The following SYMPK variants were observed in gnomAD, a reference collection of about 807,000 sequenced individuals.
The protein encoded by SYMPK is symplekin.
Under a neutral mutation model 136.4 loss-of-function variants are expected in SYMPK, and 49 were observed. That is an observed-to-expected ratio of 0.36 (90% CI 0.29 to 0.46). The LOEUF (loss-of-function observed/expected upper bound fraction) is 0.46. Ranked by LOEUF, SYMPK falls within the 20% of genes least tolerant of loss-of-function variation. The pLI is 1.00. For missense variants in SYMPK, 1,365 were observed against 1,690.0 expected, an observed-to-expected ratio of 0.81 and a Z score of 3.37; for synonymous variants, 766 against 713.0, an observed-to-expected ratio of 1.07 and a Z score of -1.19.
chr19:45,854,193 C>A lies in SYMPK; in HGVS notation c.153G>T (p.Lys51Asn). 1 of 1,614,168 alleles carries A rather than the reference C, an allele frequency of 6.2e-7. No homozygotes were observed. The highest frequency in any genetic ancestry group is 1.1e-5 in the South Asian group (1 of 91,074). Residue 51 changes from lysine to asparagine, a missense_variant, in exon 3 of 27, where the codon AAG becomes AAT. Lys to Asn is a moderately conservative substitution (Grantham distance 94). Coordinates refer to ENST00000245934, the MANE Select transcript of SYMPK (RefSeq NM_004819.3). ...CCCTCACCTGTTTGAGCACTGTGAT[C>A]TTTGAGTCATTGGTGATCAGCGCCG... ...NQAALITNDS[K>N]ITVLKQVQEL...
Position 45,823,893 on chromosome 19 carries a change from G to C in SYMPK, c.2491-18C>G. ...CCTCGGATCTAGAGGCAGAGACAGGGATGACCAGACCCAGGGTGAGAGCTT... is the reference window on the plus strand; with the variant it reads ...CCTCGGATCTAGAGGCAGAGACAGGCATGACCAGACCCAGGGTGAGAGCTT... On this transcript the variant is annotated intron_variant, in intron 18 of 26. Transcript: ENST00000245934. The C allele has an allele frequency of 6.2e-7, 1 of 1,608,100 alleles. No individual in the cohort carries two copies. Among genetic ancestry groups the C allele is most frequent in the South Asian group, 1.1e-5 (1 of 90,712 alleles).
chr19:45,848,651 TAA>T (rs1971622889), intron 6 of SYMPK, 97 bp downstream of exon 6: 2 of 1,532,560 alleles, frequency 1.3e-6, no homozygotes, highest in South Asian at 1.2e-5. Flanking sequence ...ATCTTGCCCA[TAA>T]AGAGTATGCT....
At chr19:45,838,436 G>A in intron 10 of SYMPK, 25 bp downstream of exon 10, 4 of 1,599,926 alleles carry the variant, frequency 2.5e-6, no homozygotes, top group Non-Finnish European at 3.4e-6. Context: ...TGCCCAGGGG[G>A]AAAACGCTCC....
At chr19:45,842,189 A>G in intron 9 of SYMPK, 61 bp downstream of exon 9, 1 of 1,605,302 alleles carries the variant, frequency 6.2e-7, no homozygotes, top group Non-Finnish European at 8.5e-7. Context: ...AGCATAGTTT[A>G]AGGTAAATAA....
intron 5 of SYMPK, among the ~76,000 whole-genome samples, chr19:45,850,887 G>A (rs1453057637): frequency 6.6e-6 from 1 of 152,092 alleles, no homozygotes; most frequent in African/African-American, 2.4e-5. Context: ...GGGGCTGCAT[G>A]GGAGCGGGCA....
In SYMPK at chr19:45,848,856, A is replaced by C; in HGVS notation, c.320T>G (p.Leu107Arg). The change falls in exon 6 of 27, where the codon CTG becomes CGG. Residue 107 changes from leucine (L) to arginine (R), a missense_variant. Leu to Arg is a moderately radical substitution (Grantham distance 102). This residue lies in a region of SYMPK where 237 missense variants were observed against 292.9 expected (regional missense o/e 0.81). Transcript: ENST00000245934. ...GTTGAGGTTTGCAATGAGTTTCAGC[A>C]GCAACTCAATGTCTCGCTTGCTGAG... ...EEACKRDIEL[L>R]LKLIANLNML... The C allele has an allele frequency of 6.2e-7, 1 of 1,614,078 alleles. No individual in the cohort carries two copies. Among genetic ancestry groups the C allele is most frequent in the Non-Finnish European group, 8.5e-7 (1 of 1,180,028 alleles).
intron 16 of SYMPK, among the ~76,000 whole-genome samples, chr19:45,827,099 T>A (rs1388488589): frequency 6.6e-6 from 1 of 152,162 alleles, no homozygotes; most frequent in East Asian, 1.9e-4. Flanking sequence ...GCTCAGCTGC[T>A]GAGCACGCTG....
chr19:45,825,040 C>T, intron 18 of SYMPK, 131 bp downstream of exon 18: 5 of 1,152,576 alleles, frequency 4.3e-6, no homozygotes, highest in Non-Finnish European at 4.9e-6. Flanking sequence ...GCTACACAGC[C>T]TGGGTCGGCC....
At chr19:45,853,871 A>G (rs1365245391) in intron 3 of SYMPK, among the ~76,000 whole-genome samples, 5 of 152,138 alleles carry the variant, frequency 3.3e-5, no homozygotes, top group Non-Finnish European at 5.9e-5. Flanking sequence ...AATGATGAAG[A>G]GTGTAGGATT....
At chr19:45,853,054 T>C (rs927884383) in intron 3 of SYMPK, among the ~76,000 whole-genome samples, 9 of 152,182 alleles carry the variant, frequency 5.9e-5, no homozygotes, top group African/African-American at 2.2e-4. Flanking sequence ...CATCCTCCAA[T>C]AAGCAAAGAG....
intron 1 of SYMPK, among the ~76,000 whole-genome samples, chr19:45,859,074 T>C (rs1023540664): frequency 1.3e-5 from 2 of 152,036 alleles, no homozygotes; most frequent in Non-Finnish European, 2.9e-5. Context: ...GCCCCCGGCC[T>C]AGAACAGGGA....
In SYMPK at chr19:45,854,469, G is replaced by GA. The variant is rs1971773565; in HGVS notation, c.26dup (p.Thr10HisfsTer40). The GA allele has an allele frequency of 6.2e-7, 1 of 1,613,926 alleles. No homozygotes were observed. The highest frequency in any genetic ancestry group is 1.1e-5 in the South Asian group (1 of 91,082). On this transcript the variant is annotated frameshift_variant, in exon 2 of 27. Transcript: ENST00000245934. LOFTEE classifies it high-confidence loss of function. ...ACTGTGATGCCACGCTCCGACGGGT[G>GA]ACGCTGTCTCCACTGCCGCTCGCCA... is the stretch of plus-strand genomic sequence containing the variant.
intron 23 of SYMPK, among the ~76,000 whole-genome samples, chr19:45,817,412 G>A (rs1280779624): frequency 1.0e-3 from 117 of 115,192 alleles, no homozygotes; most frequent in African/African-American, 3.5e-3. Flanking sequence ...TGGTTTTTTT[G>A]TTCTCTTTTT....
intron 7 of SYMPK, among the ~76,000 whole-genome samples, chr19:45,844,624 G>A (rs904480362): frequency 2.0e-5 from 3 of 151,686 alleles, no homozygotes; most frequent in African/African-American, 4.9e-5. Flanking sequence ...GCAGTGAGCC[G>A]AGATCGCGCC....
intron 7 of SYMPK, among the ~76,000 whole-genome samples, chr19:45,844,878 T>C (rs1971524457): frequency 6.6e-6 from 1 of 152,148 alleles, no homozygotes; most frequent in Admixed American, 6.6e-5. Context: ...ATGCCATATA[T>C]ATGTTTTTAA....
intron 1 of SYMPK, among the ~76,000 whole-genome samples, chr19:45,856,458 G>A (rs1484154803): frequency 1.3e-5 from 2 of 152,080 alleles, no homozygotes; most frequent in Non-Finnish European, 2.9e-5. Context: ...TTATGTATAC[G>A]CAGAATGACC....
chr19:45,838,307 C>T (rs968420799), intron 10 of SYMPK, among the ~76,000 whole-genome samples, 154 bp downstream of exon 10: 10 of 152,110 alleles, frequency 6.6e-5, no homozygotes, highest in Admixed American at 5.2e-4. Flanking sequence ...GCTTCCTATA[C>T]AGCCTGCAGA....
intron 9 of SYMPK, among the ~76,000 whole-genome samples, chr19:45,840,049 C>G (rs1971398315): frequency 6.6e-6 from 1 of 151,976 alleles, no homozygotes; most frequent in African/African-American, 2.4e-5. Context: ...CCTCCTGATC[C>G]CATGTACTGA....
In SYMPK at chr19:45,847,928, T is replaced by C. The variant is rs1446170038; in HGVS notation, c.500A>G (p.Asp167Gly). 1 of 1,611,952 alleles carries C rather than the reference T, an allele frequency of 6.2e-7. No individual in the cohort carries two copies. The highest frequency in any genetic ancestry group is 8.5e-7 in the Non-Finnish European group (1 of 1,178,816). ...GTCAGAGTCCAATAGCAGGATGATG[T>C]CCCCCGCCATGGCAGATACCATGTC... ...CWDMVSAMAG[D>G]IILLLDSDND... Residue 167 changes from aspartate (D) to glycine (G), a missense_variant, in exon 7 of 27, where the codon GAC becomes GGC. Physicochemically the swap from Asp to Gly is moderately conservative, Grantham distance 94 (BLOSUM62 -1). This residue lies in a region of SYMPK where 237 missense variants were observed against 292.9 expected (regional missense o/e 0.81). Coordinates refer to ENST00000245934, the MANE Select transcript of SYMPK (RefSeq NM_004819.3).
Sources: allele counts gnomAD v4.1 joint callset (sites outside exome capture counted in the v4.1 genomes callset), GRCh38; gene constraint gnomAD v4.1.1; regional missense constraint gnomAD v4.1.1; transcripts MANE v1.5; gene names NCBI Gene and HGNC (gene_info 2026-07-23, HGNC 2026-07-21).